Variants in PIK3AP1 observed in about 807,000 individuals in gnomAD.
PIK3AP1 encodes phosphoinositide-3-kinase adaptor protein 1, also known as phosphoinositide 3-kinase adapter protein 1.
PIK3AP1 carries 21 observed loss-of-function variants against 88.1 expected under a neutral mutation model. That is an observed-to-expected ratio of 0.24 (90% CI 0.17 to 0.34). The LOEUF is 0.34. Among genes scored for constraint, PIK3AP1 ranks in the 10% least tolerant of loss-of-function variants. The pLI is 1.00. For missense variants in PIK3AP1, 828 were observed against 1,035.7 expected (o/e 0.80, Z 2.75); for synonymous variants, 398 against 400.0 (o/e 1.00, Z 0.06).
At chr10:96,686,808 C>T (rs1055576101) in intron 2 of PIK3AP1, among the ~76,000 whole-genome samples, 1 of 152,068 alleles carries the variant, frequency 6.6e-6, no homozygotes, top group Non-Finnish European at 1.5e-5. Flanking sequence ...CAACTTGGTT[C>T]GTTAACATTT....
intron 2 of PIK3AP1, among the ~76,000 whole-genome samples, chr10:96,702,445 G>A (rs1844309488): frequency 1.3e-5 from 2 of 150,418 alleles, no homozygotes; most frequent in African/African-American, 4.9e-5. Context: ...GTTGCAGTGA[G>A]CCGAGATCAC....
intron 2 of PIK3AP1, among the ~76,000 whole-genome samples, chr10:96,670,949 T>C (rs928820827): frequency 1.3e-5 from 2 of 152,212 alleles, no homozygotes; most frequent in Admixed American, 1.3e-4. Context: ...CATCCTGCCC[T>C]ATCTGCTTTC....
chr10:96,690,763 A>G (rs1415753109), intron 2 of PIK3AP1, among the ~76,000 whole-genome samples: 13 of 152,180 alleles, frequency 8.5e-5, no homozygotes. Context: ...GAGTGGACCA[A>G]TCATAGTCCT....
chr10:96,689,027 CAGGCAACAGA>C (rs1349337045), intron 2 of PIK3AP1, among the ~76,000 whole-genome samples: 1 of 152,060 alleles, frequency 6.6e-6, no homozygotes, highest in Non-Finnish European at 1.5e-5. Flanking sequence ...ATTGCTGTCC[CAGGCAACAGA>C]AGGCCCTCTG....
At chr10:96,644,810 A>G (rs1244331169) in intron 8 of PIK3AP1, among the ~76,000 whole-genome samples, 2 of 152,176 alleles carry the variant, frequency 1.3e-5, no homozygotes, top group Non-Finnish European at 2.9e-5. Context: ...TTTTGCAAAC[A>G]CTTAATTTTT....
At chr10:96,617,902 G>C (rs552923380) in intron 12 of PIK3AP1, among the ~76,000 whole-genome samples, 1 of 152,314 alleles carries the variant, frequency 6.6e-6, no homozygotes, top group Non-Finnish European at 1.5e-5. Flanking sequence ...CTGGAAACAT[G>C]GAACTGGAGA....
intron 7 of PIK3AP1, among the ~76,000 whole-genome samples, 158 bp from the exon 8 acceptor site, chr10:96,645,820 C>T (rs971726987): frequency 6.6e-6 from 1 of 152,230 alleles, no homozygotes; most frequent in Non-Finnish European, 1.5e-5. Flanking sequence ...TGACTGAACG[C>T]TCCTTGAGGC....
intron 2 of PIK3AP1, among the ~76,000 whole-genome samples, chr10:96,688,946 C>T (rs768247718): frequency 2.0e-5 from 3 of 151,998 alleles, no homozygotes; most frequent in South Asian, 2.1e-4. Context: ...TACATCCAAC[C>T]GACTAAAGAA....
intron 1 of PIK3AP1, among the ~76,000 whole-genome samples, chr10:96,716,399 G>A (rs567964571): frequency 6.6e-6 from 1 of 152,330 alleles, no homozygotes; most frequent in South Asian, 2.1e-4. Flanking sequence ...TACTGCCTCA[G>A]ACTAGTTAAC....
intron 3 of PIK3AP1, among the ~76,000 whole-genome samples, chr10:96,654,824 A>G (rs1843592834): frequency 6.6e-6 from 1 of 152,220 alleles, no homozygotes; most frequent in Non-Finnish European, 1.5e-5. Flanking sequence ...GGGAAAGCAG[A>G]AAGTGGCATG....
chr10:96,699,124 C>A (rs150324250), intron 2 of PIK3AP1, among the ~76,000 whole-genome samples: 1,860 of 152,194 alleles, frequency 0.012, 52 homozygotes, highest in African/African-American at 0.042. Flanking sequence ...GTGGAGGTTG[C>A]AGTCAGCCGA....
At chr10:96,627,685 G>A (rs1192769066) in intron 9 of PIK3AP1, among the ~76,000 whole-genome samples, 3 of 151,996 alleles carry the variant, frequency 2.0e-5, no homozygotes, top group Non-Finnish European at 4.4e-5. Flanking sequence ...GATTGGACAG[G>A]GTTAAAGAAT....
intron 2 of PIK3AP1, among the ~76,000 whole-genome samples, chr10:96,669,022 C>T (rs1304397597): frequency 6.6e-6 from 1 of 152,180 alleles, no homozygotes; most frequent in Non-Finnish European, 1.5e-5. Flanking sequence ...ATCCCAGCTA[C>T]TCAGGAGGCT....
chr10:96,715,639 C>T (rs971696725), intron 1 of PIK3AP1, among the ~76,000 whole-genome samples: 2 of 152,124 alleles, frequency 1.3e-5, no homozygotes, highest in African/African-American at 4.8e-5. Context: ...GCCTGTAATC[C>T]TAGCACTCTG....
chr10:96,612,978 ATATATTTTTTTTTTTT>A, intron 13 of PIK3AP1, among the ~76,000 whole-genome samples: 1 of 46,980 alleles, frequency 2.1e-5, no homozygotes, highest in East Asian at 5.6e-4. Flanking sequence ...ATATATATAT[ATATATTTTTTTTTTTT>A]TTTTTTTTTT....
At chr10:96,706,446 G>A (rs1376896354) in intron 2 of PIK3AP1, among the ~76,000 whole-genome samples, 2 of 152,176 alleles carry the variant, frequency 1.3e-5, no homozygotes, top group Non-Finnish European at 2.9e-5. Flanking sequence ...ATGTAGTGTA[G>A]GGAGAGTACT....
chr10:96,625,094 G>A (rs558798739), intron 10 of PIK3AP1, among the ~76,000 whole-genome samples: 28 of 152,256 alleles, frequency 1.8e-4, no homozygotes, highest in South Asian at 2.1e-4. Context: ...GTTACACTGC[G>A]GGCAACCTAG....
At chr10:96,650,062 G>A (rs964181534) in intron 6 of PIK3AP1, among the ~76,000 whole-genome samples, 1 of 152,172 alleles carries the variant, frequency 6.6e-6, no homozygotes. Context: ...TTGGAATGAA[G>A]GGTCTGAAAA....
chr10:96,652,345 G>A (rs577880085), intron 4 of PIK3AP1, among the ~76,000 whole-genome samples: 118 of 152,236 alleles, frequency 7.8e-4, no homozygotes, highest in African/African-American at 2.6e-3. Context: ...AGGCCGAGGC[G>A]GGTGGATCAT....
Sources: allele counts gnomAD v4.1 joint callset (sites outside exome capture counted in the v4.1 genomes callset), GRCh38; gene constraint gnomAD v4.1.1; transcripts MANE v1.5; gene names NCBI Gene and HGNC (gene_info 2026-07-23, HGNC 2026-07-21).